The following CPPED1 variants were observed in gnomAD, a reference collection of about 807,000 sequenced individuals.
The protein encoded by CPPED1 is calcineurin like phosphoesterase domain containing 1.
CPPED1 carries 28 observed loss-of-function variants against 28.0 expected under a neutral mutation model. The observed-to-expected ratio is 1.00, with a 90% CI of 0.74 to 1.37. CPPED1 has a LOEUF of 1.37. CPPED1 is among the 40% of genes most tolerant of loss of function. CPPED1 has a pLI of 0.00. For synonymous variants in CPPED1, 198 were observed against 180.2 expected (o/e 1.10, Z -0.79); for missense variants, 504 against 416.5 (o/e 1.21, Z -1.83).
intron 2 of CPPED1, among the ~76,000 whole-genome samples, chr16:12,706,813 C>G (rs537502796): frequency 4.6e-5 from 7 of 152,194 alleles, no homozygotes; most frequent in African/African-American, 1.7e-4. Flanking sequence ...GGCTTCAGAC[C>G]CCAACTCCTG....
At chr16:12,803,620 G>C in intron 1 of CPPED1, 87 bp downstream of exon 1, 1 of 1,181,144 alleles carries the variant, frequency 8.5e-7, no homozygotes, top group Non-Finnish European at 1.1e-6. Flanking sequence ...TGTCCGACTG[G>C]CGGAGCGCAC....
intron 2 of CPPED1, among the ~76,000 whole-genome samples, chr16:12,745,246 A>C (rs1307051376): frequency 6.6e-6 from 1 of 152,200 alleles, no homozygotes; most frequent in Non-Finnish European, 1.5e-5. Context: ...GCGAGTTATG[A>C]ATTCACAGAC....
At chr16:12,713,522 C>T (rs1277501332) in intron 2 of CPPED1, among the ~76,000 whole-genome samples, 2 of 152,066 alleles carry the variant, frequency 1.3e-5, no homozygotes, top group Non-Finnish European at 2.9e-5. Flanking sequence ...TGTGCCACAA[C>T]ACCCAGCCAA....
chr16:12,778,162 G>A (rs1389070893), intron 2 of CPPED1, among the ~76,000 whole-genome samples: 11 of 151,552 alleles, frequency 7.3e-5, no homozygotes, highest in South Asian at 4.2e-4. Context: ...CACCCACCTC[G>A]GCCTCCCAAA....
rs905913064 is a variant in CPPED1, at chr16:12,662,011, T to C, written c.*2875A>G. ...CAAGACAGGACAGTGTTATGGAGCA[T>C]GGACTCAAGCCTTGGGCCATCTACA... On this transcript the variant is annotated 3_prime_UTR_variant, in exon 4 of 4. Coordinates refer to ENST00000381774, the MANE Select transcript of CPPED1 (RefSeq NM_018340.3). The C allele has an allele frequency of 2.0e-5, 3 of 152,246 alleles. No individual in the cohort carries two copies. The highest frequency in any genetic ancestry group is 7.2e-5 in the African/African-American group (3 of 41,460). 9.4% of individuals were successfully genotyped at this position (152,246 alleles called of 1,614,324 possible).
intron 3 of CPPED1, among the ~76,000 whole-genome samples, chr16:12,674,777 C>T (rs2079869818): frequency 6.6e-6 from 1 of 152,184 alleles, no homozygotes; most frequent in South Asian, 2.1e-4. Context: ...CATCAGAGCC[C>T]ATTCTGCTTT....
chr16:12,776,755 C>T (rs1016056099), intron 2 of CPPED1, among the ~76,000 whole-genome samples: 1 of 152,050 alleles, frequency 6.6e-6, no homozygotes, highest in Admixed American at 6.6e-5. Flanking sequence ...CCCGTCTCTA[C>T]CAAAAATACA....
At chr16:12,793,237 C>T (rs533370275) in intron 1 of CPPED1, among the ~76,000 whole-genome samples, 4 of 152,300 alleles carry the variant, frequency 2.6e-5, no homozygotes, top group South Asian at 4.1e-4. Context: ...TTACACACTT[C>T]GCTCTTTACA....
intron 2 of CPPED1, among the ~76,000 whole-genome samples, chr16:12,733,911 G>GA (rs111419586): frequency 0.033 from 4,916 of 148,842 alleles, 256 homozygotes; most frequent in African/African-American, 0.11. Flanking sequence ...AAAACAAAAT[G>GA]AAAAAAAAAC....
At chr16:12,769,421 C>T (rs1024228671) in intron 2 of CPPED1, among the ~76,000 whole-genome samples, 6 of 152,040 alleles carry the variant, frequency 3.9e-5, no homozygotes, top group Non-Finnish European at 7.4e-5. Flanking sequence ...TGGGTTAAGA[C>T]GCCGAGACTT....
intron 3 of CPPED1, among the ~76,000 whole-genome samples, chr16:12,684,435 C>G (rs1204165775): frequency 6.6e-6 from 1 of 152,198 alleles, no homozygotes; most frequent in African/African-American, 2.4e-5. Context: ...TGATCAAACA[C>G]AATGTCTCCA....
At chr16:12,755,564 T>C (rs2080360885) in intron 2 of CPPED1, among the ~76,000 whole-genome samples, 3 of 150,820 alleles carry the variant, frequency 2.0e-5, no homozygotes, top group African/African-American at 5.0e-5. Context: ...ATTACAGGCA[T>C]GAACTACCAC....
rs550049657 is a variant in CPPED1, at chr16:12,679,377, C to A, written c.716-14262G>T. 5.9e-5 allele frequency among the ~76,000 whole-genome samples: 9 copies of A among 152,182 alleles called. No homozygotes were observed. The South Asian group carries it at 1.7e-3, about 28-fold the overall frequency. ...TGTAAAACAAAAACAAAAACAAAAA[C>A]AATGCATACTTGTTAAATTAAACCC... On this transcript the variant is annotated intron_variant, in intron 3 of 3. Transcript: ENST00000381774.
intron 3 of CPPED1, among the ~76,000 whole-genome samples, chr16:12,703,202 C>T (rs1039562398): frequency 9.2e-5 from 14 of 152,122 alleles, no homozygotes; most frequent in East Asian, 1.9e-4. Context: ...AAATTTCAAA[C>T]GACTTAATAG....
chr16:12,706,484 TCTCCCTTCCTTTCCTTC>T (rs2080051176), intron 2 of CPPED1, among the ~76,000 whole-genome samples: 2 of 147,190 alleles, frequency 1.4e-5, no homozygotes, highest in Admixed American at 6.8e-5. Context: ...TCCTTTCCTT[TCTCCCTTCCTTTCCTTC>T]CTCCCTTCCT....
chr16:12,741,582 G>A (rs1022292406), intron 2 of CPPED1, among the ~76,000 whole-genome samples: 4 of 152,140 alleles, frequency 2.6e-5, no homozygotes, highest in Non-Finnish European at 5.9e-5. Context: ...AGTAGGTTGG[G>A]TACATGAATT....
intron 2 of CPPED1, among the ~76,000 whole-genome samples, chr16:12,713,300 T>C (rs2080089414): frequency 6.6e-6 from 1 of 152,194 alleles, no homozygotes; most frequent in African/African-American, 2.4e-5. Flanking sequence ...TATTTTGATA[T>C]CTGAATGAAA....
intron 2 of CPPED1, among the ~76,000 whole-genome samples, chr16:12,774,283 C>G (rs564931201): frequency 7.4e-4 from 112 of 152,192 alleles, no homozygotes; most frequent in Non-Finnish European, 9.7e-4. Context: ...GCCTGGCCAA[C>G]AAGATGAAAC....
Position 12,798,020 on chromosome 16 carries a change from C to T in CPPED1, c.70+5687G>A, listed in dbSNP as rs551134445. On this transcript the variant is annotated intron_variant, in intron 1 of 3. Coordinates refer to ENST00000381774, the MANE Select transcript of CPPED1 (RefSeq NM_018340.3). ...ATCACTTAAGCACCACAGGTTGAGG[C>T]TGCAAATCAGCCATGATCACACCAC... 5.3e-5 allele frequency among the ~76,000 whole-genome samples: 8 copies of T among 152,256 alleles called. No homozygotes were observed. The East Asian group carries it at 1.4e-3, about 26-fold the overall frequency.
Sources: allele counts gnomAD v4.1 joint callset (sites outside exome capture counted in the v4.1 genomes callset), GRCh38; gene constraint gnomAD v4.1.1; transcripts MANE v1.5; gene names NCBI Gene and HGNC (gene_info 2026-07-23, HGNC 2026-07-21).